The following PACRG variants were observed in gnomAD, a reference collection of about 807,000 sequenced individuals.
PACRG encodes parkin coregulated.
Under a neutral mutation model 29.7 loss-of-function variants are expected in PACRG, and 29 were observed. That is an observed-to-expected ratio of 0.98 (90% CI 0.73 to 1.33). The LOEUF (loss-of-function observed/expected upper bound fraction) is 1.33. Among genes scored for constraint, PACRG ranks in the 40% most tolerant of loss-of-function variants. The pLI is 0.00. For synonymous variants in PACRG, 116 were observed against 118.7 expected (o/e 0.98, Z 0.15); for missense variants, 279 against 316.2 (o/e 0.88, Z 0.89).
intron 4 of PACRG, among the ~76,000 whole-genome samples, chr6:163,220,945 G>T (rs111607356): frequency 9.9e-5 from 15 of 152,280 alleles, no homozygotes; most frequent in African/African-American, 3.1e-4. Context: ...TGCAACTTGG[G>T]CTCTGCATCA....
chr6:163,291,252 C>G (rs1284993189), intron 4 of PACRG, among the ~76,000 whole-genome samples: 2 of 136,550 alleles, frequency 1.5e-5, no homozygotes, highest in East Asian at 4.3e-4. Context: ...TGCGGGTCAC[C>G]CTGCAAGATG....
intron 2 of PACRG, among the ~76,000 whole-genome samples, chr6:162,963,461 A>G (rs1216609953): frequency 6.6e-6 from 1 of 151,954 alleles, no homozygotes; most frequent in Non-Finnish European, 1.5e-5. Flanking sequence ...AGAATAAAAC[A>G]GAAGTACCCA....
intron 2 of PACRG, among the ~76,000 whole-genome samples, chr6:162,922,611 C>A (rs1486389926): frequency 6.6e-6 from 1 of 151,944 alleles, no homozygotes. Flanking sequence ...CAATTCCACT[C>A]TCTACTTCTA....
intron 1 of PACRG, among the ~76,000 whole-genome samples, chr6:162,787,275 G>A (rs565454075): frequency 1.3e-5 from 2 of 151,972 alleles, no homozygotes; most frequent in East Asian, 1.9e-4. Context: ...TTAACAATGA[G>A]CCTTTTATGC....
chr6:163,098,515 G>A (rs944008095), intron 4 of PACRG, among the ~76,000 whole-genome samples: 1 of 152,144 alleles, frequency 6.6e-6, no homozygotes. Flanking sequence ...CTCACCAGGC[G>A]GGAGAGCCCA....
chr6:163,071,546 C>G (rs1812052349), intron 3 of PACRG, among the ~76,000 whole-genome samples: 1 of 151,502 alleles, frequency 6.6e-6, no homozygotes. Flanking sequence ...AAAAACATGA[C>G]TAAGAGGGAA....
chr6:162,851,234 T>C (rs1429674459), intron 2 of PACRG, among the ~76,000 whole-genome samples: 1 of 152,096 alleles, frequency 6.6e-6, no homozygotes, highest in African/African-American at 2.4e-5. Context: ...AATGCCCAGC[T>C]CTCTCTCCTG....
chr6:163,105,180 G>A (rs1001965428), intron 4 of PACRG, among the ~76,000 whole-genome samples: 3 of 151,796 alleles, frequency 2.0e-5, no homozygotes, highest in African/African-American at 7.3e-5. Flanking sequence ...TAATCACTTG[G>A]CATGTAAATG....
chr6:163,100,141 C>T (rs889559510), intron 4 of PACRG, among the ~76,000 whole-genome samples: 3 of 152,004 alleles, frequency 2.0e-5, no homozygotes, highest in Non-Finnish European at 4.4e-5. Flanking sequence ...GAGGCGGCTA[C>T]GGCTCGGCCC....
At position 163,315,412 on chromosome 6, in the gene PACRG, G is replaced by A. The variant is rs1785610511; in HGVS notation, c.*425G>A. ...TGCTTACTAGGTGTTTGTCATGGAA[G>A]AGAAGCATGGGTTCAGCAGTGCCTC... is the stretch of plus-strand genomic sequence containing the variant. On this transcript the variant is annotated 3_prime_UTR_variant, in exon 5 of 5. Transcript: ENST00000366888. The A allele has an allele frequency of 6.4e-6, 1 of 156,252 alleles. No homozygotes were observed. The highest frequency in any genetic ancestry group is 1.9e-4 in the East Asian group (1 of 5,256). The allele number at this position is 156,252 out of a possible 1,614,324, so 9.7% of individuals were successfully genotyped here.
chr6:163,161,460 G>T (rs374413838), intron 4 of PACRG, among the ~76,000 whole-genome samples: 207 of 152,294 alleles, frequency 1.4e-3, no homozygotes, highest in African/African-American at 4.7e-3. Context: ...TCAAAGACTG[G>T]ATGCATTCCT....
intron 4 of PACRG, chr6:163,166,283 A>C (rs55803468): frequency 0.18 from 39,118 of 211,854 alleles, 6,141 homozygotes; most frequent in African/African-American, 0.5. Flanking sequence ...ACAACAACAA[A>C]AAAATGTAGA....
chr6:163,089,543 TA>T, intron 4 of PACRG, 135 bp downstream of exon 4: 1 of 1,063,474 alleles, frequency 9.4e-7, no homozygotes, highest in South Asian at 1.7e-5. Flanking sequence ...CTAAATAGCA[TA>T]TTCCCACGCC....
chr6:162,979,184 G>C (rs1012827624), intron 2 of PACRG, among the ~76,000 whole-genome samples: 1 of 152,122 alleles, frequency 6.6e-6, no homozygotes, highest in East Asian at 1.9e-4. Flanking sequence ...GCCAGTCCAA[G>C]ATGCCTTTAC....
chr6:163,218,929 C>G (rs1393979093), intron 4 of PACRG, among the ~76,000 whole-genome samples: 1 of 152,250 alleles, frequency 6.6e-6, no homozygotes, highest in Non-Finnish European at 1.5e-5. Context: ...TGTCTGGAAG[C>G]CTTGGATTCG....
At chr6:162,786,382 A>G (rs76515247) in intron 1 of PACRG, among the ~76,000 whole-genome samples, 19 of 152,334 alleles carry the variant, frequency 1.2e-4, no homozygotes, top group African/African-American at 4.6e-4. Flanking sequence ...ATACACAGCT[A>G]GACTACATTT....
chr6:162,914,539 G>C (rs1584744738), intron 2 of PACRG, among the ~76,000 whole-genome samples: 1 of 108,118 alleles, frequency 9.2e-6, no homozygotes, highest in African/African-American at 3.5e-5. Flanking sequence ...TTAGTTGTTT[G>C]GGCTTTCCTA....
At chr6:163,237,189 T>A (rs7772285) in intron 4 of PACRG, among the ~76,000 whole-genome samples, 2 of 151,972 alleles carry the variant, frequency 1.3e-5, no homozygotes, top group Non-Finnish European at 2.9e-5. Flanking sequence ...TCATCAAACC[T>A]AAATATATAT....
At chr6:162,992,376 C>G (rs1447689696) in intron 2 of PACRG, among the ~76,000 whole-genome samples, 5 of 137,270 alleles carry the variant, frequency 3.6e-5, no homozygotes, top group Admixed American at 7.4e-5. Context: ...GTCCTGGACT[C>G]TTTTTGGTTG....
Sources: gnomAD v4.1 joint callset for allele counts (sites outside exome capture counted in the v4.1 genomes callset) on GRCh38, gnomAD v4.1.1 for gene constraint, MANE v1.5 for transcripts, NCBI Gene and HGNC (gene_info 2026-07-23, HGNC 2026-07-21) for gene names.